The following DOCK4 variants were observed in gnomAD, a reference collection of about 807,000 sequenced individuals.
DOCK4 encodes dedicator of cytokinesis 4.
Under a neutral mutation model 268.1 loss-of-function variants are expected in DOCK4, and 97 were observed. That is an observed-to-expected ratio of 0.36 (90% CI 0.31 to 0.43). The LOEUF is 0.43. Among genes scored for constraint, DOCK4 ranks in the 20% least tolerant of loss-of-function variants. DOCK4 has a pLI of 1.00. For missense variants in DOCK4, 2,145 were observed against 2,455.7 expected (o/e 0.87, Z 2.67); for synonymous variants, 954 against 887.2 (o/e 1.08, Z -1.34).
chr7:112,206,103 C>T lies in DOCK4; in HGVS notation c.36G>A (p.Val12=). The T allele has an allele frequency of 1.3e-6, 2 of 1,583,360 alleles. No individual in the cohort carries two copies. The highest frequency in any genetic ancestry group is 8.6e-7 in the Non-Finnish European group (1 of 1,164,448). The stretch of plus-strand genomic sequence containing the variant: ...AAAGTTCGCCCCGCGGAGACTCACC[C>T]ACGCCGTATTTCTCGTGCTCCGTAG... The part of the protein sequence containing the change: ...WIPTEHEKYG[V]VIASFRGTVP... The change falls in exon 1 of 53, where the codon GTG becomes GTA. Residue 12 remains valine, a splice_region_variant and synonymous_variant. Coordinates refer to ENST00000428084, the MANE Select transcript of DOCK4 (RefSeq NM_001363540.2).
intron 1 of DOCK4, among the ~76,000 whole-genome samples, chr7:112,005,153 G>T (rs1286915679): frequency 6.6e-6 from 1 of 152,150 alleles, no homozygotes; most frequent in Non-Finnish European, 1.5e-5. Context: ...CAAAATTTTA[G>T]GAGGGAAACT....
chr7:112,115,142 CA>C (rs1184268518), intron 1 of DOCK4, among the ~76,000 whole-genome samples: 1 of 152,228 alleles, frequency 6.6e-6, no homozygotes, highest in Non-Finnish European at 1.5e-5. Context: ...ATACACCTAT[CA>C]ATATCTGACT....
chr7:111,999,637 T>C (rs965657191), intron 3 of DOCK4, among the ~76,000 whole-genome samples: 2 of 152,048 alleles, frequency 1.3e-5, no homozygotes, highest in Non-Finnish European at 1.5e-5. Context: ...ACCGTTCCCC[T>C]TTAGGATGAC....
intron 8 of DOCK4, among the ~76,000 whole-genome samples, chr7:111,974,037 T>C (rs949955345): frequency 6.6e-5 from 10 of 152,002 alleles, no homozygotes; most frequent in African/African-American, 2.4e-4. Flanking sequence ...CAGCAAGAAC[T>C]GTTAGGAGTT....
rs1327288001 is a variant in DOCK4, at chr7:112,066,730, T to G, written c.38-62599A>C. On this transcript the variant is annotated intron_variant, in intron 1 of 52. Transcript: ENST00000428084. Reference sequence around the variant, plus strand: ...ATATATATATATATATATATATATATATATATATATATCTCCTATTGGCTC... The same window carrying G: ...ATATATATATATATATATATATATAGATATATATATATCTCCTATTGGCTC... Among the ~76,000 whole-genome samples, 11 of 105,976 alleles carry G rather than the reference T, an allele frequency of 1.0e-4. No individual in the cohort carries two copies. In the South Asian group the frequency reaches 2.6e-3, roughly 26 times the overall value. 69.5% of individuals were successfully genotyped at this position (105,976 alleles called of 152,430 possible).
In DOCK4 at chr7:111,728,334, G is replaced by T; in HGVS notation, c.5868C>A (p.Ala1956=). The part of the protein sequence containing the change: ...AARSSHLENG[A]RRTDPGPRPR... ...GCCGCGGGCCGGGGTCAGTCCTCCG[G>T]GCCCCATTCTCCAGGTGGCTGGATC... is the stretch of plus-strand genomic sequence containing the variant. The change falls in exon 53 of 53, where the codon GCC becomes GCA. Residue 1956 remains alanine, a synonymous_variant. Transcript: ENST00000428084. 6.6e-7 allele frequency: 1 copy of T among 1,518,874 alleles called. No individual in the cohort carries two copies. Among genetic ancestry groups the T allele is most frequent in the Non-Finnish European group, 8.8e-7 (1 of 1,135,848 alleles). The allele number at this position is 1,518,874 out of a possible 1,614,324, so 94.1% of individuals were successfully genotyped here. A position where few individuals can be genotyped will look rare whatever the true frequency, so the allele number is the denominator to read the frequency against.
In DOCK4 at chr7:112,092,268, T is replaced by A. The variant is rs377523618; in HGVS notation, c.38-88137A>T. 2.8e-4 allele frequency among the ~76,000 whole-genome samples: 42 copies of A among 152,328 alleles called. No individual in the cohort carries two copies. The East Asian group carries it at 7.1e-3, about 26-fold the overall frequency. On this transcript the variant is annotated intron_variant, in intron 1 of 52. Coordinates refer to ENST00000428084, the MANE Select transcript of DOCK4 (RefSeq NM_001363540.2). ...GCAGTATGTTTGCCACACTGGTCTT[T>A]CATCTGCCACTAAATAAATAAACAC...
chr7:111,895,656 C>T lies in DOCK4; in HGVS notation c.1543G>A (p.Gly515Ser). The stretch of plus-strand genomic sequence containing the variant: ...TGAGTGCCATCTGGAAGAGTCCTAC[C>T]ATCTTCTTGCATCAGAGGGACAAAA... ...FSFVPLMQED[G>S]RTLPDGTHEL... Residue 515 changes from glycine to serine, a missense_variant, in exon 16 of 53, where the codon GGT (glycine) becomes AGT (serine). Coordinates refer to ENST00000428084, the MANE Select transcript of DOCK4 (RefSeq NM_001363540.2). 1.9e-6 allele frequency: 3 copies of T among 1,613,938 alleles called. No homozygotes were observed. Among genetic ancestry groups the T allele is most frequent in the South Asian group, 1.1e-5 (1 of 91,084 alleles).
chr7:112,183,312 T>C (rs1055658867), intron 1 of DOCK4, among the ~76,000 whole-genome samples: 1 of 151,976 alleles, frequency 6.6e-6, no homozygotes, highest in Non-Finnish European at 1.5e-5. Flanking sequence ...AAAGATACTA[T>C]CAACAAAAGG....
At chr7:111,933,185 C>CGTATATACACATATATAT (rs1562904839) in intron 12 of DOCK4, among the ~76,000 whole-genome samples, 1 of 135,010 alleles carries the variant, frequency 7.4e-6, no homozygotes, top group Admixed American at 7.6e-5. Context: ...CACATATATA[C>CGTATATACACATATATAT]GTATATACAC....
At chr7:112,160,089 T>A (rs907063858) in intron 1 of DOCK4, among the ~76,000 whole-genome samples, 4 of 152,068 alleles carry the variant, frequency 2.6e-5, no homozygotes, top group African/African-American at 9.7e-5. Context: ...ATGTGAAATA[T>A]GAAACGCTTC....
rs997663502 is a variant in DOCK4, at chr7:111,895,470, T to C, written c.1587+142A>G. 1.0e-5 allele frequency: 8 copies of C among 770,276 alleles called. No homozygotes were observed. The African/African-American group carries it at 1.2e-4, about 12-fold the overall frequency. 47.7% of individuals were successfully genotyped at this position (770,276 alleles called of 1,614,324 possible). On this transcript the variant is annotated intron_variant, in intron 16 of 52. Coordinates refer to ENST00000428084, the MANE Select transcript of DOCK4 (RefSeq NM_001363540.2). Reference sequence around the variant, plus strand: ...ATAACCCAATATAGAAACAATACTTTGAAAAAGACATTCTCCCTGACAGCA... The same window carrying C: ...ATAACCCAATATAGAAACAATACTTCGAAAAAGACATTCTCCCTGACAGCA...
chr7:111,914,641 C>T (rs1478417242), intron 13 of DOCK4, among the ~76,000 whole-genome samples: 2 of 152,130 alleles, frequency 1.3e-5, no homozygotes, highest in African/African-American at 4.8e-5. Context: ...TCTTTTAGGT[C>T]TCTACTCTAC....
chr7:112,003,922 C>A, intron 2 of DOCK4, 126 bp downstream of exon 2: 1 of 596,294 alleles, frequency 1.7e-6, no homozygotes. Context: ...ATGCAGGAAA[C>A]AATTTTGTCA....
intron 7 of DOCK4, among the ~76,000 whole-genome samples, chr7:111,981,165 C>G (rs1016829396): frequency 1.3e-5 from 2 of 152,198 alleles, no homozygotes; most frequent in Non-Finnish European, 2.9e-5. Flanking sequence ...AGAAAAGCAG[C>G]AACAATTAAT....
chr7:111,926,640 G>GT, intron 12 of DOCK4, among the ~76,000 whole-genome samples: 1 of 150,756 alleles, frequency 6.6e-6, no homozygotes, highest in East Asian at 2.0e-4. Flanking sequence ...GGCCAACATG[G>GT]TAAAAACACA....
At chr7:112,137,669 G>A (rs982465505) in intron 1 of DOCK4, among the ~76,000 whole-genome samples, 4 of 152,006 alleles carry the variant, frequency 2.6e-5, no homozygotes, top group African/African-American at 9.7e-5. Flanking sequence ...TTTACATAAG[G>A]TTGGCCTAAC....
chr7:111,824,398 TTAGA>T lies in DOCK4; in HGVS notation c.2836-1946_2836-1943del, dbSNP rs531985957. On this transcript the variant is annotated intron_variant, in intron 26 of 52. Transcript: ENST00000428084. ...CAGTTTCCTATCTTGGTGCATTTGC[TTAGA>T]TAGATGTGAAAGTCATGAGAGTGGG... 1.1e-4 allele frequency among the ~76,000 whole-genome samples: 17 copies of T among 152,314 alleles called. No homozygotes were observed. In the South Asian group the frequency reaches 3.3e-3, roughly 30 times the overall value.
At chr7:111,916,927 G>GAACCCA (rs1163999415) in intron 12 of DOCK4, among the ~76,000 whole-genome samples, 1 of 147,344 alleles carries the variant, frequency 6.8e-6, no homozygotes, top group African/African-American at 2.5e-5. Flanking sequence ...AGTAAACCCT[G>GAACCCA]AACCCAATTT....
Sources: allele counts gnomAD v4.1 joint callset (sites outside exome capture counted in the v4.1 genomes callset), GRCh38; gene constraint gnomAD v4.1.1; transcripts MANE v1.5; gene names NCBI Gene and HGNC (gene_info 2026-07-23, HGNC 2026-07-21).